The following ADGRD1 variants were observed in gnomAD, a reference collection of about 807,000 sequenced individuals.
ADGRD1 encodes adhesion G protein-coupled receptor D1.
ADGRD1 carries 77 observed loss-of-function variants against 113.4 expected under a neutral mutation model. The ratio of observed to expected loss-of-function variants is 0.68; its 90% CI spans 0.57 to 0.82. The LOEUF is 0.82. Ranked by LOEUF, ADGRD1 falls within the 40% of genes least tolerant of loss-of-function variation. The probability of loss-of-function intolerance (pLI) is 0.00; values close to 1 mark genes in which losing one functional copy is unlikely to be tolerated. For missense variants in ADGRD1, 1,036 were observed against 1,139.1 expected, an observed-to-expected ratio of 0.91 and a Z score of 1.30; for synonymous variants, 474 against 475.0, an observed-to-expected ratio of 1.00 and a Z score of 0.03.
At chr12:131,014,145 G>A in intron 12 of ADGRD1, 54 bp from the exon 13 acceptor site, 2 of 1,574,472 alleles carry the variant, frequency 1.3e-6, no homozygotes, top group South Asian at 1.2e-5. Context: ...GGTTCTAGCT[G>A]TGTGCTGCTC....
intron 20 of ADGRD1, among the ~76,000 whole-genome samples, chr12:131,121,261 T>C (rs1391599944): frequency 1.3e-5 from 2 of 152,068 alleles, no homozygotes; most frequent in African/African-American, 2.4e-5. Context: ...TGCTCAGGAG[T>C]CACCAGGACT....
chr12:131,122,524 C>A (rs1342303485), intron 20 of ADGRD1, among the ~76,000 whole-genome samples: 1 of 152,278 alleles, frequency 6.6e-6, no homozygotes, highest in East Asian at 1.9e-4. Context: ...TCTGGGAGGA[C>A]CATTCATTTT....
intron 4 of ADGRD1, among the ~76,000 whole-genome samples, chr12:130,975,838 C>T (rs1396215487): frequency 6.6e-6 from 1 of 152,194 alleles, no homozygotes; most frequent in African/African-American, 2.4e-5. Flanking sequence ...TAAATTCCGT[C>T]TCGAGTAACT....
chr12:131,010,054 T>A (rs1877675727), intron 12 of ADGRD1, among the ~76,000 whole-genome samples: 1 of 152,192 alleles, frequency 6.6e-6, no homozygotes, highest in Non-Finnish European at 1.5e-5. Context: ...GAGAACAACG[T>A]CACCTGGGCA....
At chr12:130,982,124 T>C (rs930675805) in intron 5 of ADGRD1, 61 bp downstream of exon 5, 39 of 1,442,596 alleles carry the variant, frequency 2.7e-5, no homozygotes, top group African/African-American at 1.6e-4. Context: ...TCTCTGAGAA[T>C]GGACGCTGAG....
At chr12:131,109,756 T>C (rs1275174718) in intron 18 of ADGRD1, among the ~76,000 whole-genome samples, 1 of 152,240 alleles carries the variant, frequency 6.6e-6, no homozygotes, top group Non-Finnish European at 1.5e-5. Context: ...AGTTGGTTTA[T>C]AGTGTTGTTC....
At chr12:131,015,984 G>A (rs992568201) in intron 13 of ADGRD1, among the ~76,000 whole-genome samples, 9 of 152,146 alleles carry the variant, frequency 5.9e-5, no homozygotes, top group African/African-American at 1.2e-4. Flanking sequence ...TTTCCCGCCC[G>A]GCTTTCCATG....
chr12:130,962,337 C>T (rs958388946), intron 2 of ADGRD1: 1 of 152,352 alleles, frequency 6.6e-6, no homozygotes, highest in Admixed American at 6.5e-5. Flanking sequence ...TCACTTTACT[C>T]TGTCAGCCTT....
chr12:131,132,745 G>T (rs886649237), intron 21 of ADGRD1, among the ~76,000 whole-genome samples: 2 of 152,174 alleles, frequency 1.3e-5, no homozygotes, highest in African/African-American at 4.8e-5. Flanking sequence ...TCACTCATAT[G>T]ACCGTGTGAC....
chr12:130,978,016 AAGT>A (rs916100451), intron 4 of ADGRD1: 15 of 152,412 alleles, frequency 9.8e-5, no homozygotes, highest in African/African-American at 3.4e-4. Flanking sequence ...GGCCTTGGGC[AAGT>A]TACCGCACCT....
intron 13 of ADGRD1, among the ~76,000 whole-genome samples, chr12:131,036,963 A>C (rs1881514969): frequency 9.8e-6 from 1 of 102,400 alleles, no homozygotes; most frequent in Non-Finnish European, 2.1e-5. Context: ...TCACAGCAAC[A>C]GAATCTTACT....
chr12:131,132,022 C>A (rs964921344), intron 21 of ADGRD1, among the ~76,000 whole-genome samples: 4 of 152,320 alleles, frequency 2.6e-5, no homozygotes, highest in Admixed American at 2.0e-4. Flanking sequence ...TTACCCAGCC[C>A]CAGAGCTCCC....
In ADGRD1 at chr12:131,139,567, A is replaced by G. The variant is rs2136123222; in HGVS notation, c.*304A>G. The G allele has an allele frequency of 3.0e-6, 1 of 331,808 alleles. No homozygotes were observed. The highest frequency in any genetic ancestry group is 9.5e-4 in the Middle Eastern group (1 of 1,048). The allele number at this position is 331,808 out of a possible 1,614,324, so 20.6% of individuals were successfully genotyped here. On this transcript the variant is annotated 3_prime_UTR_variant, in exon 25 of 25. Coordinates refer to ENST00000261654, the MANE Select transcript of ADGRD1 (RefSeq NM_198827.5). ...TGATGGTGCCCTTGAGCCTCCCTTC[A>G]TCACTCAGCATCAGACCCAGCGAGG... is the stretch of plus-strand genomic sequence containing the variant.
chr12:131,116,531 C>T lies in ADGRD1; in HGVS notation c.2042-1854C>T, dbSNP rs371127718. On this transcript the variant is annotated intron_variant, in intron 18 of 24. Transcript: ENST00000261654. ...GCCCCCAGAGGGCACTGGAGGGCTG[C>T]GGCCTGGAGGCGGTCGGGTGGGTGC... Among the ~76,000 whole-genome samples, 201 of 142,218 alleles carry T rather than the reference C, an allele frequency of 1.4e-3. 2 individuals carry two copies. The South Asian group carries it at 0.018, about 12-fold the overall frequency. The allele number at this position is 142,218 out of a possible 152,430, so 93.3% of individuals were successfully genotyped here. A position where few individuals can be genotyped will look rare whatever the true frequency, so the allele number is the denominator to read the frequency against.
intron 18 of ADGRD1, among the ~76,000 whole-genome samples, chr12:131,109,312 C>A (rs780051685): frequency 6.7e-6 from 1 of 149,912 alleles, no homozygotes; most frequent in Non-Finnish European, 1.5e-5. Flanking sequence ...GCTTTAGTTT[C>A]TTCTTCTTTT....
intron 15 of ADGRD1, among the ~76,000 whole-genome samples, chr12:131,098,562 T>C (rs972340144): frequency 1.3e-5 from 2 of 151,872 alleles, no homozygotes; most frequent in Admixed American, 6.5e-5. Flanking sequence ...AGAAAGAGGA[T>C]TGGGACAGAT....
At chr12:130,969,318 A>G in intron 3 of ADGRD1, 3 of 466,344 alleles carry the variant, frequency 6.4e-6, no homozygotes, top group Non-Finnish European at 1.2e-5. Flanking sequence ...AGCAATCCGT[A>G]GCCTGTTAGG....
intron 14 of ADGRD1, among the ~76,000 whole-genome samples, chr12:131,079,684 T>C (rs7964784): frequency 4.6e-5 from 7 of 152,216 alleles, no homozygotes; most frequent in African/African-American, 1.7e-4. Flanking sequence ...CGTCTACTTC[T>C]TTTTAAATAA....
chr12:131,139,422 G>A lies in ADGRD1; in HGVS notation c.*159G>A, dbSNP rs934631912. On this transcript the variant is annotated 3_prime_UTR_variant, in exon 25 of 25. Coordinates refer to ENST00000261654, the MANE Select transcript of ADGRD1 (RefSeq NM_198827.5). ...GTCCTCCCCTGTGACTCTGGCTGTC[G>A]GAGCACACTGCTCAGCCCAGCAGCC... The A allele has an allele frequency of 1.8e-5, 11 of 617,814 alleles. No individual in the cohort carries two copies. Among genetic ancestry groups the A allele is most frequent in the African/African-American group, 1.1e-4 (6 of 55,074 alleles). The allele number at this position is 617,814 out of a possible 1,614,324, so 38.3% of individuals were successfully genotyped here.
Sources: gnomAD v4.1 joint callset for allele counts (sites outside exome capture counted in the v4.1 genomes callset) on GRCh38, gnomAD v4.1.1 for gene constraint, MANE v1.5 for transcripts, NCBI Gene and HGNC (gene_info 2026-07-23, HGNC 2026-07-21) for gene names.